The following PCDHA3 variants were observed in gnomAD, a reference collection of about 807,000 sequenced individuals.
PCDHA3 encodes the protein protocadherin alpha 3.
In PCDHA3, 41 loss-of-function variants were observed where a neutral mutation model predicts 62.2. The observed-to-expected ratio is 0.66, with a 90% CI of 0.51 to 0.86. PCDHA3 has a LOEUF of 0.86. Among genes scored for constraint, PCDHA3 ranks in the 40% least tolerant of loss-of-function variants. PCDHA3 has a pLI of 0.00. For synonymous variants in PCDHA3, 640 were observed against 555.4 expected, an observed-to-expected ratio of 1.15 and a Z score of -2.14; for missense variants, 1,304 against 1,241.2, an observed-to-expected ratio of 1.05 and a Z score of -0.76.
intron 3 of PCDHA3, among the ~76,000 whole-genome samples, chr5:141,008,665 T>A (rs2098385671): frequency 6.6e-6 from 1 of 152,210 alleles, no homozygotes; most frequent in Non-Finnish European, 1.5e-5. Context: ...CACAATACTT[T>A]ACATATACTT....
At chr5:140,906,158 C>G (rs1186216636) in intron 1 of PCDHA3, among the ~76,000 whole-genome samples, 1 of 152,140 alleles carries the variant, frequency 6.6e-6, no homozygotes, top group East Asian at 1.9e-4. Context: ...CACAGACACA[C>G]CCAGGAACAA....
intron 1 of PCDHA3, among the ~76,000 whole-genome samples, chr5:140,923,177 A>G (rs1325033307): frequency 2.0e-5 from 3 of 152,174 alleles, no homozygotes; most frequent in African/African-American, 7.2e-5. Context: ...TTTTGTTCAG[A>G]TGCATCTACT....
Position 140,917,329 on chromosome 5 carries a change from G to GT in PCDHA3, c.2395-61620_2395-61619insT, listed in dbSNP as rs1563018868. On this transcript the variant is annotated intron_variant, in intron 1 of 3. Coordinates refer to ENST00000522353, the MANE Select transcript of PCDHA3 (RefSeq NM_018906.3). ...ACAATTTGGTGTTCATGTGGCGGGG[G>GT]AGGGGGGGGATGGTGTAGGCTTCTG... is the stretch of plus-strand genomic sequence containing the variant. 5.6e-5 allele frequency among the ~76,000 whole-genome samples: 8 copies of GT among 143,930 alleles called. 1 individual carries two copies. The highest frequency in any genetic ancestry group is 9.1e-5 in the Non-Finnish European group (6 of 65,842). The allele number at this position is 143,930 out of a possible 152,430, so 94.4% of individuals were successfully genotyped here.
At chr5:140,816,705 A>G (rs1369370145) in intron 1 of PCDHA3, 1 of 152,194 alleles carries the variant, frequency 6.6e-6, no homozygotes. Flanking sequence ...CAGGCTGGCT[A>G]GAGATTCTAG....
chr5:140,861,378 C>A, intron 1 of PCDHA3: 1 of 421,170 alleles, frequency 2.4e-6, no homozygotes. Flanking sequence ...CCCTATTGCG[C>A]AGGACCTGGG....
chr5:140,960,249 T>C (rs2095534563), intron 1 of PCDHA3, among the ~76,000 whole-genome samples: 1 of 152,210 alleles, frequency 6.6e-6, no homozygotes, highest in African/African-American at 2.4e-5. Flanking sequence ...AGAAGCTTCC[T>C]GGAGCTTCTG....
chr5:140,821,197 A>G (rs1554128037), intron 1 of PCDHA3, among the ~76,000 whole-genome samples: 1 of 152,198 alleles, frequency 6.6e-6, no homozygotes, highest in Non-Finnish European at 1.5e-5. Flanking sequence ...AAAAAACTCA[A>G]AAGTTTTAAT....
At chr5:140,922,815 C>G (rs2081002299) in intron 1 of PCDHA3, among the ~76,000 whole-genome samples, 2 of 152,158 alleles carry the variant, frequency 1.3e-5, no homozygotes, top group Non-Finnish European at 2.9e-5. Context: ...AAAGGAGATA[C>G]AGCATACTGC....
chr5:140,825,459 T>C (rs2150074566), intron 1 of PCDHA3: 1 of 149,426 alleles, frequency 6.7e-6, no homozygotes, highest in South Asian at 2.1e-4. Flanking sequence ...TCAGATATTT[T>C]GATACAGAAT....
chr5:140,888,233 C>T (rs544193607), intron 1 of PCDHA3, among the ~76,000 whole-genome samples: 6 of 152,142 alleles, frequency 3.9e-5, no homozygotes, highest in South Asian at 4.1e-4. Flanking sequence ...CATGTGTGTG[C>T]GTGTTCCTTT....
At chr5:140,924,903 AAATAAAATAAAATAAAAT>A (rs2082154741) in intron 1 of PCDHA3, among the ~76,000 whole-genome samples, 1 of 54,856 alleles carries the variant, frequency 1.8e-5, no homozygotes, top group Non-Finnish European at 3.6e-5. Flanking sequence ...TCAAAAAAAA[AAATAAAATAAAATAAAAT>A]AAAATAAAAT....
intron 3 of PCDHA3, among the ~76,000 whole-genome samples, chr5:141,005,899 A>G (rs2098245270): frequency 6.6e-6 from 1 of 151,978 alleles, no homozygotes; most frequent in East Asian, 1.9e-4. Flanking sequence ...TCAAGCAATG[A>G]TTGCACCACT....
At chr5:140,888,309 C>T (rs1175163005) in intron 1 of PCDHA3, among the ~76,000 whole-genome samples, 1 of 152,138 alleles carries the variant, frequency 6.6e-6, no homozygotes, top group Admixed American at 6.5e-5. Context: ...GATAATTTGG[C>T]AATGCCTGGA....
At chr5:140,929,249 G>C (rs1212088369) in intron 1 of PCDHA3, 14 of 1,613,366 alleles carry the variant, frequency 8.7e-6, no homozygotes, top group Non-Finnish European at 1.2e-5. Flanking sequence ...CTTGCCACTG[G>C]GGTAGGACTG....
chr5:140,923,551 T>C (rs1398661049), intron 1 of PCDHA3, among the ~76,000 whole-genome samples: 1 of 152,146 alleles, frequency 6.6e-6, no homozygotes, highest in Non-Finnish European at 1.5e-5. Flanking sequence ...AAATGAAATA[T>C]CAGCAATGAA....
chr5:140,870,927 T>G (rs782446287), intron 1 of PCDHA3: 1 of 1,613,880 alleles, frequency 6.2e-7, no homozygotes, highest in South Asian at 1.1e-5. Context: ...GGCTTTCATA[T>G]GAATTGCAGC....
At chr5:140,830,213 T>C in intron 1 of PCDHA3, 1 of 1,613,804 alleles carries the variant, frequency 6.2e-7, no homozygotes, top group Non-Finnish European at 8.5e-7. Flanking sequence ...CTGCGCGGTA[T>C]CCAGCCTGCT....
chr5:140,967,665 C>A, intron 1 of PCDHA3: 1 of 1,614,154 alleles, frequency 6.2e-7, no homozygotes, highest in Non-Finnish European at 8.5e-7. Context: ...AGCAGCTACA[C>A]GTCGGACCGG....
At chr5:140,923,219 CGTTTG>C (rs2081242278) in intron 1 of PCDHA3, among the ~76,000 whole-genome samples, 3 of 151,974 alleles carry the variant, frequency 2.0e-5, no homozygotes, top group Admixed American at 1.3e-4. Context: ...GTGAAAGGAT[CGTTTG>C]AGCCCAGAAG....
Sources: allele counts gnomAD v4.1 joint callset (sites outside exome capture counted in the v4.1 genomes callset), GRCh38; gene constraint gnomAD v4.1.1; transcripts MANE v1.5; gene names NCBI Gene and HGNC (gene_info 2026-07-23, HGNC 2026-07-21).